PCDH11X: variants seen among roughly 807,000 people sequenced by gnomAD.
PCDH11X encodes the protein protocadherin-11 X-linked.
Under a neutral mutation model 53.3 loss-of-function variants are expected in PCDH11X, and 18 were observed. The ratio of observed to expected loss-of-function variants is 0.34; its 90% confidence interval spans 0.23 to 0.50. The LOEUF is 0.50. PCDH11X is among the 20% of genes least tolerant of loss of function. The probability of loss-of-function intolerance (pLI) is 0.98; values close to 1 mark genes in which losing one functional copy is unlikely to be tolerated. For missense variants in PCDH11X, 570 were observed against 1,032.4 expected (o/e 0.55, Z 6.14); for synonymous variants, 279 against 393.3 (o/e 0.71, Z 3.44).
intron 8 of PCDH11X, among the ~76,000 whole-genome samples, chrX:92,371,084 C>A (rs1343908554): frequency 1.8e-5 from 2 of 111,551 alleles, no homozygotes; most frequent in Admixed American, 1.9e-4. Context: ...TATCCTTCAA[C>A]CTATTTGTGT....
At chrX:92,187,168 A>G (rs2066113192) in intron 6 of PCDH11X, among the ~76,000 whole-genome samples, 1 of 111,524 alleles carries the variant, frequency 9.0e-6, no homozygotes, top group Non-Finnish European at 1.9e-5. Context: ...ATGAGGCTAA[A>G]ATTAAGGTGT....
At chrX:91,944,776 G>A (rs772258966) in intron 6 of PCDH11X, among the ~76,000 whole-genome samples, 2 of 108,347 alleles carry the variant, frequency 1.8e-5, no homozygotes, top group South Asian at 4.0e-4. Flanking sequence ...ATTTAGCATC[G>A]TATTTTCATT....
chrX:92,614,520 G>C (rs1927767778), intron 10 of PCDH11X, among the ~76,000 whole-genome samples: 1 of 109,924 alleles, frequency 9.1e-6, no homozygotes, highest in African/African-American at 3.3e-5. Flanking sequence ...GGCTGTACCT[G>C]ATGTGGCTAG....
chrX:92,118,731 CTTTTTTTTTTTTTTTT>C (rs199880924), intron 6 of PCDH11X, among the ~76,000 whole-genome samples: 1 of 45,646 alleles, frequency 2.2e-5, no homozygotes, highest in Non-Finnish European at 4.0e-5. Flanking sequence ...ATAATGCAGT[CTTTTTTTTTTTTTTTT>C]TTTTTTTTTT....
chrX:92,237,121 T>C (rs1344052193), intron 7 of PCDH11X, among the ~76,000 whole-genome samples: 1 of 111,466 alleles, frequency 9.0e-6, no homozygotes, highest in Non-Finnish European at 1.9e-5. Flanking sequence ...AGTATACAGC[T>C]AAACTTGATC....
intron 10 of PCDH11X, among the ~76,000 whole-genome samples, chrX:92,513,703 T>A (rs1373989181): frequency 3.6e-5 from 4 of 111,738 alleles, no homozygotes; most frequent in Non-Finnish European, 7.5e-5. Context: ...TTTCATAAAG[T>A]TCTTCACATT....
chrX:92,275,815 G>T (rs961824863), intron 8 of PCDH11X, among the ~76,000 whole-genome samples: 5 of 111,166 alleles, frequency 4.5e-5, no homozygotes, highest in African/African-American at 1.6e-4. Flanking sequence ...TGGGATATTG[G>T]TGTTGAGCGG....
intron 9 of PCDH11X, among the ~76,000 whole-genome samples, chrX:92,395,415 A>G (rs1274794926): frequency 9.0e-6 from 1 of 111,276 alleles, no homozygotes; most frequent in Non-Finnish European, 1.9e-5. Flanking sequence ...AGACCATTGT[A>G]GATAATTTGT....
At chrX:92,282,016 A>C (rs992420941) in intron 8 of PCDH11X, among the ~76,000 whole-genome samples, 1 of 110,972 alleles carries the variant, frequency 9.0e-6, no homozygotes, top group Non-Finnish European at 1.9e-5. Context: ...ACTATGAGGA[A>C]AATGAAGAAG....
chrX:91,865,109 G>T (rs1938895709), intron 5 of PCDH11X, among the ~76,000 whole-genome samples: 1 of 110,172 alleles, frequency 9.1e-6, no homozygotes, highest in South Asian at 3.9e-4. Context: ...TGAAGAGTTA[G>T]GTATTTATTG....
At chrX:92,206,564 T>C (rs1317788061) in intron 7 of PCDH11X, among the ~76,000 whole-genome samples, 1 of 111,098 alleles carries the variant, frequency 9.0e-6, no homozygotes, top group Non-Finnish European at 1.9e-5. Flanking sequence ...TTTGCTCTTG[T>C]TGCCCAGGTT....
At chrX:92,199,514 A>G (rs1274335509) in intron 6 of PCDH11X, among the ~76,000 whole-genome samples, 2 of 111,683 alleles carry the variant, frequency 1.8e-5, no homozygotes, top group African/African-American at 6.5e-5. Context: ...ACCATAGTTC[A>G]TTTTCTTAAA....
chrX:91,861,677 CACAATTCTGTGCTTGGG>C (rs1347061954), intron 5 of PCDH11X, among the ~76,000 whole-genome samples: 1 of 112,051 alleles, frequency 8.9e-6, no homozygotes, highest in East Asian at 2.8e-4. Context: ...TGAGATTCTG[CACAATTCTGTGCTTGGG>C]ACCCAAAGTC....
At chrX:92,007,618 C>T (rs1476671419) in intron 6 of PCDH11X, among the ~76,000 whole-genome samples, 2 of 111,814 alleles carry the variant, frequency 1.8e-5, no homozygotes, top group Non-Finnish European at 3.8e-5. Flanking sequence ...ACCCCTGTGG[C>T]CTGATATTGC....
chrX:92,436,519 G>A lies in PCDH11X; in HGVS notation c.3344-31780G>A, dbSNP rs187157229. Among the ~76,000 whole-genome samples, 135 of 111,162 alleles carry A rather than the reference G, an allele frequency of 1.2e-3. 3 individuals are homozygous for A. The East Asian group carries it at 0.033, about 27-fold the overall frequency. ...AAATCATTCTAACATAGAGAAACAT[G>A]CACACAAATGTTCACTGCAGCACTA... On this transcript the variant is annotated intron_variant, in intron 9 of 10. Coordinates refer to ENST00000682573, the MANE Select transcript of PCDH11X (RefSeq NM_032968.5).
chrX:92,518,378 CTATG>C (rs2074304266), intron 10 of PCDH11X, among the ~76,000 whole-genome samples: 2 of 111,678 alleles, frequency 1.8e-5, no homozygotes, highest in South Asian at 3.7e-4. Flanking sequence ...AATCACAAAA[CTATG>C]TGTGTGTGCA....
chrX:92,013,921 A>G (rs1236190078), intron 6 of PCDH11X, among the ~76,000 whole-genome samples: 2 of 112,146 alleles, frequency 1.8e-5, no homozygotes, highest in Non-Finnish European at 3.8e-5. Flanking sequence ...ACCTAAAACC[A>G]TAAAAAACCT....
At chrX:92,297,169 A>G (rs745990454) in intron 8 of PCDH11X, among the ~76,000 whole-genome samples, 1 of 110,156 alleles carries the variant, frequency 9.1e-6, no homozygotes, top group South Asian at 4.0e-4. Context: ...TCATTTGCCA[A>G]TTATTTTTTT....
chrX:92,339,016 C>G (rs1483674313), intron 8 of PCDH11X, among the ~76,000 whole-genome samples: 1 of 111,532 alleles, frequency 9.0e-6, no homozygotes, highest in Non-Finnish European at 1.9e-5. Flanking sequence ...TGACTTCAAA[C>G]TATACTACAA....
Sources: allele counts gnomAD v4.1 joint callset (sites outside exome capture counted in the v4.1 genomes callset), GRCh38; gene constraint gnomAD v4.1.1; transcripts MANE v1.5; gene names NCBI Gene and HGNC (gene_info 2026-07-23, HGNC 2026-07-21).